Variants in LRRC7 observed in about 807,000 individuals in gnomAD.
The protein encoded by LRRC7 is leucine rich repeat containing 7, also known as leucine-rich repeat-containing protein 7.
A neutral mutation model predicts 175.7 loss-of-function variants in LRRC7; 23 were observed. The ratio of observed to expected loss-of-function variants is 0.13; its 90% CI spans 0.09 to 0.19. The LOEUF (loss-of-function observed/expected upper bound fraction) is 0.19, where lower values mean the gene tolerates loss of function less well. Among genes scored for constraint, LRRC7 ranks in the 10% least tolerant of loss-of-function variants. The pLI is 1.00. For synonymous variants in LRRC7, 685 were observed against 680.9 expected, an observed-to-expected ratio of 1.01 and a Z score of -0.09; for missense variants, 1,354 against 1,904.7, an observed-to-expected ratio of 0.71 and a Z score of 5.38.
intron 2 of LRRC7, among the ~76,000 whole-genome samples, chr1:69,709,039 C>T (rs1557629592): frequency 6.6e-6 from 1 of 152,202 alleles, no homozygotes; most frequent in East Asian, 1.9e-4. Context: ...CCTGTTACTT[C>T]AGTTCAGAGC....
intron 8 of LRRC7, among the ~76,000 whole-genome samples, chr1:69,938,603 G>A (rs1246918644): frequency 2.6e-5 from 4 of 151,960 alleles, no homozygotes; most frequent in Non-Finnish European, 5.9e-5. Context: ...AGACAGTCGA[G>A]TACTTATGCT....
At chr1:70,119,363 G>A (rs1042365694) in intron 26 of LRRC7, among the ~76,000 whole-genome samples, 2 of 151,980 alleles carry the variant, frequency 1.3e-5, no homozygotes, top group Non-Finnish European at 1.5e-5. Flanking sequence ...CATTCTACAT[G>A]CGGCATTTTA....
chr1:69,853,460 G>A (rs1262954796), intron 7 of LRRC7, among the ~76,000 whole-genome samples: 2 of 151,012 alleles, frequency 1.3e-5, no homozygotes, highest in Non-Finnish European at 3.0e-5. Flanking sequence ...TGTATTTTTA[G>A]TAGAGATGGG....
At chr1:70,026,891 A>C (rs1658166230) in intron 17 of LRRC7, among the ~76,000 whole-genome samples, 1 of 152,164 alleles carries the variant, frequency 6.6e-6, no homozygotes, top group Admixed American at 6.6e-5. Context: ...GAAGAATAAC[A>C]CAGTTGGTGG....
intron 23 of LRRC7, among the ~76,000 whole-genome samples, chr1:70,071,513 CATG>C (rs1239700006): frequency 6.6e-6 from 1 of 151,648 alleles, no homozygotes; most frequent in Non-Finnish European, 1.5e-5. Flanking sequence ...CCACAGAAAA[CATG>C]ATGTGAGTAG....
At chr1:69,597,734 A>G (rs1020587183) in intron 1 of LRRC7, among the ~76,000 whole-genome samples, 11 of 152,210 alleles carry the variant, frequency 7.2e-5, no homozygotes, top group African/African-American at 2.7e-4. Context: ...GAGCTATCCG[A>G]GGGACATTCT....
At chr1:69,944,808 CTTTT>C (rs1486550012) in intron 8 of LRRC7, among the ~76,000 whole-genome samples, 1 of 151,350 alleles carries the variant, frequency 6.6e-6, no homozygotes, top group African/African-American at 2.4e-5. Flanking sequence ...ATTTGTATGT[CTTTT>C]TTTAAGAAAT....
rs149123297 is a variant in LRRC7, at chr1:69,905,009, T to C, written c.648-26498T>C. ...TATGTAACATTCTACATTTACATCATAGAATATTACACAGTTATGAAAAAG... is the reference window on the plus strand; with the variant it reads ...TATGTAACATTCTACATTTACATCACAGAATATTACACAGTTATGAAAAAG... On this transcript the variant is annotated intron_variant, in intron 7 of 26. Transcript: ENST00000651989. 8.2e-3 allele frequency among the ~76,000 whole-genome samples: 1,245 copies of C among 152,280 alleles called. 16 individuals are homozygous for C. Among genetic ancestry groups the C allele is most frequent in the African/African-American group, 0.027 (1,142 of 41,550 alleles).
chr1:70,038,316 C>T lies in LRRC7; in HGVS notation c.2492C>T (p.Pro831Leu). Reference sequence around the variant, plus strand: ...ACAGCCGAGAATGCCAACAGTAATCCTCTCTTAAGTTCGAAATCTAGAAGC... The same window carrying T: ...ACAGCCGAGAATGCCAACAGTAATCTTCTCTTAAGTTCGAAATCTAGAAGC... ...ETTAENANSN[P>L]LLSSKSRSTS... The change falls in exon 21 of 27, where the codon CCT becomes CTT. Residue 831 changes from proline (P) to leucine (L), a missense_variant. Around this residue, in one of 4 missense-constraint regions of LRRC7, gnomAD observed 1,032 missense variants for 1,227.2 expected, o/e 0.84. Coordinates refer to ENST00000651989, the MANE Select transcript of LRRC7 (RefSeq NM_001370785.2). 6.2e-7 allele frequency: 1 copy of T among 1,614,100 alleles called. No individual in the cohort carries two copies. The highest frequency in any genetic ancestry group is 8.5e-7 in the Non-Finnish European group (1 of 1,179,996).
At chr1:69,904,680 A>G (rs954174362) in intron 7 of LRRC7, among the ~76,000 whole-genome samples, 4 of 151,994 alleles carry the variant, frequency 2.6e-5, no homozygotes, top group African/African-American at 9.7e-5. Flanking sequence ...ATTTTTAAAA[A>G]TTTATTTTAG....
chr1:69,776,688 A>G (rs1672845420), intron 3 of LRRC7, among the ~76,000 whole-genome samples: 1 of 151,762 alleles, frequency 6.6e-6, no homozygotes, highest in African/African-American at 2.4e-5. Context: ...CTAACTTGCT[A>G]TTGATTTTTC....
chr1:69,862,768 C>T (rs532942005), intron 7 of LRRC7, among the ~76,000 whole-genome samples: 9 of 151,870 alleles, frequency 5.9e-5, no homozygotes, highest in Non-Finnish European at 8.8e-5. Context: ...CATAGTTATA[C>T]GCATGCCATA....
chr1:69,791,862 G>A (rs1267231325), intron 3 of LRRC7, among the ~76,000 whole-genome samples, 181 bp from the exon 4 acceptor site: 1 of 151,938 alleles, frequency 6.6e-6, no homozygotes, highest in Non-Finnish European at 1.5e-5. Flanking sequence ...GCACTAACAT[G>A]GGAATAGAAT....
At chr1:69,594,566 A>G (rs897246485) in intron 1 of LRRC7, among the ~76,000 whole-genome samples, 6 of 152,138 alleles carry the variant, frequency 3.9e-5, no homozygotes, top group Non-Finnish European at 8.8e-5. Flanking sequence ...GGGGCTTCAT[A>G]TTGAATTTTC....
chr1:69,723,001 G>GT (rs1484808270), intron 2 of LRRC7, among the ~76,000 whole-genome samples: 1 of 151,714 alleles, frequency 6.6e-6, no homozygotes, highest in East Asian at 1.9e-4. Context: ...TTTTATGTTA[G>GT]TTTTTACCAT....
At chr1:70,091,443 G>C (rs1664024829) in intron 25 of LRRC7, among the ~76,000 whole-genome samples, 1 of 152,004 alleles carries the variant, frequency 6.6e-6, no homozygotes, top group African/African-American at 2.4e-5. Context: ...ACTTAAGAGA[G>C]TTGAAATTCA....
intron 1 of LRRC7, among the ~76,000 whole-genome samples, chr1:69,650,865 A>G (rs1411651846): frequency 1.3e-5 from 2 of 152,212 alleles, no homozygotes; most frequent in African/African-American, 4.8e-5. Flanking sequence ...CACTGTCGAT[A>G]GCTTACCTAA....
intron 24 of LRRC7, among the ~76,000 whole-genome samples, chr1:70,083,399 C>A (rs546114932): frequency 6.6e-6 from 1 of 152,250 alleles, no homozygotes; most frequent in Admixed American, 6.5e-5. Context: ...CATAAAACTG[C>A]TGTTATATAA....
intron 4 of LRRC7, among the ~76,000 whole-genome samples, chr1:69,798,772 T>C (rs1196275249): frequency 2.6e-5 from 4 of 152,154 alleles, no homozygotes; most frequent in African/African-American, 7.2e-5. Flanking sequence ...TATATTATTC[T>C]TCAAGTTTTT....
Sources: gnomAD v4.1 joint callset for allele counts (sites outside exome capture counted in the v4.1 genomes callset) on GRCh38, gnomAD v4.1.1 for gene constraint, gnomAD v4.1.1 regional missense constraint, MANE v1.5 for transcripts, NCBI Gene and HGNC (gene_info 2026-07-23, HGNC 2026-07-21) for gene names.